Variants in CDC14A observed in about 807,000 individuals in gnomAD.
The protein encoded by CDC14A is cell division cycle 14A.
CDC14A carries 53 observed loss-of-function variants against 74.4 expected under a neutral mutation model. That is an observed-to-expected ratio of 0.71 (90% confidence interval 0.57 to 0.89). CDC14A has a LOEUF of 0.89. Among genes scored for constraint, CDC14A ranks in the 40% least tolerant of loss-of-function variants. CDC14A has a pLI of 0.00. For missense variants in CDC14A, 646 were observed against 713.7 expected (o/e 0.91, Z 1.08); for synonymous variants, 247 against 258.4 (o/e 0.96, Z 0.43).
intron 2 of CDC14A, among the ~76,000 whole-genome samples, chr1:100,363,618 T>C (rs1431573424): frequency 6.6e-6 from 1 of 152,026 alleles, no homozygotes; most frequent in African/African-American, 2.4e-5. Flanking sequence ...ACTTCTCTTT[T>C]TTTTTTTTTA....
intron 2 of CDC14A, among the ~76,000 whole-genome samples, chr1:100,375,595 C>G (rs971369476): frequency 1.3e-5 from 2 of 152,152 alleles, no homozygotes; most frequent in Admixed American, 1.3e-4. Context: ...AAACCACAAT[C>G]AGATACCATT....
intron 4 of CDC14A, among the ~76,000 whole-genome samples, chr1:100,411,418 G>GT (rs1320905311): frequency 1.3e-5 from 2 of 151,778 alleles, no homozygotes; most frequent in East Asian, 1.9e-4. Context: ...GCTTTAAAAA[G>GT]TTTTTTTTCT....
chr1:100,431,564 C>T (rs1023035320), intron 5 of CDC14A, among the ~76,000 whole-genome samples: 9 of 151,520 alleles, frequency 5.9e-5, no homozygotes, highest in African/African-American at 9.7e-5. Flanking sequence ...AATTGTTGGC[C>T]GTGTGGGTGG....
At chr1:100,381,743 A>G (rs1656135133) in intron 3 of CDC14A, among the ~76,000 whole-genome samples, 1 of 152,178 alleles carries the variant, frequency 6.6e-6, no homozygotes, top group Non-Finnish European at 1.5e-5. Context: ...ATATGCTTAG[A>G]TTAAAAATCC....
intron 5 of CDC14A, among the ~76,000 whole-genome samples, chr1:100,433,289 C>T (rs552889606): frequency 6.6e-6 from 1 of 152,170 alleles, no homozygotes; most frequent in Non-Finnish European, 1.5e-5. Context: ...CATTTAGCAA[C>T]ATCTATAACA....
chr1:100,464,254 TCCCTCCCCA>T (rs770802878), intron 9 of CDC14A, among the ~76,000 whole-genome samples: 3 of 151,990 alleles, frequency 2.0e-5, no homozygotes, highest in Non-Finnish European at 2.9e-5. Flanking sequence ...GGCAGAGCTC[TCCCTCCCCA>T]CCCTCCCCAT....
intron 4 of CDC14A, among the ~76,000 whole-genome samples, chr1:100,399,436 A>G (rs952608851): frequency 2.0e-5 from 3 of 152,168 alleles, no homozygotes; most frequent in African/African-American, 7.2e-5. Context: ...GCATATTGCT[A>G]TACTTAAGCA....
At chr1:100,401,316 T>C (rs954214396) in intron 4 of CDC14A, among the ~76,000 whole-genome samples, 1 of 152,196 alleles carries the variant, frequency 6.6e-6, no homozygotes, top group Non-Finnish European at 1.5e-5. Context: ...TCCTAAGCGT[T>C]CAATAAGTGT....
At chr1:100,429,206 A>T (rs201182004) in intron 5 of CDC14A, among the ~76,000 whole-genome samples, 21 of 113,418 alleles carry the variant, frequency 1.9e-4, no homozygotes, top group African/African-American at 8.8e-4. Flanking sequence ...TCCATCTCAA[A>T]AAATAAATAA....
chr1:100,349,873 T>G (rs1650773665), upstream of CDC14A, among the ~76,000 whole-genome samples: 1 of 151,876 alleles, frequency 6.6e-6, no homozygotes, highest in Non-Finnish European at 1.5e-5. Context: ...CAGGCTGGAG[T>G]GCCGTGGCAC....
intron 10 of CDC14A, among the ~76,000 whole-genome samples, chr1:100,475,447 T>G (rs987658364): frequency 6.6e-6 from 1 of 152,188 alleles, no homozygotes; most frequent in African/African-American, 2.4e-5. Context: ...TGTGAGAAAA[T>G]GTTAACCTGG....
At chr1:100,430,448 T>C (rs1255667436) in intron 5 of CDC14A, among the ~76,000 whole-genome samples, 4 of 152,214 alleles carry the variant, frequency 2.6e-5, no homozygotes, top group South Asian at 4.1e-4. Flanking sequence ...TCCCAGTTGC[T>C]GAGCTCTGTG....
At chr1:100,499,442 A>C in intron 15 of CDC14A, 180 bp downstream of exon 15, 1 of 1,489,498 alleles carries the variant, frequency 6.7e-7, no homozygotes, top group Non-Finnish European at 8.9e-7. Context: ...CTCCTCTTCA[A>C]GTAAACGCCA....
At chr1:100,411,034 T>C (rs61811384) in intron 4 of CDC14A, among the ~76,000 whole-genome samples, 2,108 of 152,256 alleles carry the variant, frequency 0.014, 15 homozygotes, top group Non-Finnish European at 0.023. Flanking sequence ...TTTGTTCAGT[T>C]ATAGGAACCG....
At chr1:100,420,061 C>CATATATATATATATATATATATAT (rs1377818349) in intron 4 of CDC14A, among the ~76,000 whole-genome samples, 1 of 61,738 alleles carries the variant, frequency 1.6e-5, no homozygotes, top group Non-Finnish European at 4.1e-5. Flanking sequence ...CACACACACA[C>CATATATATATATATATATATATAT]ACATATATAT....
chr1:100,398,526 A>T (rs1399631268), intron 4 of CDC14A, among the ~76,000 whole-genome samples: 1 of 152,162 alleles, frequency 6.6e-6, no homozygotes, highest in East Asian at 1.9e-4. Flanking sequence ...AAACCAAATG[A>T]ATTTGTGAGA....
chr1:100,451,202 G>C (rs903483024), intron 7 of CDC14A, among the ~76,000 whole-genome samples: 7 of 152,182 alleles, frequency 4.6e-5, no homozygotes, highest in African/African-American at 1.7e-4. Flanking sequence ...TTTGCGTCTT[G>C]AACATTGGAG....
intron 7 of CDC14A, among the ~76,000 whole-genome samples, chr1:100,448,521 C>T (rs1029548183): frequency 1.1e-4 from 16 of 152,200 alleles, no homozygotes; most frequent in Non-Finnish European, 1.8e-4. Context: ...TTTGTTTTTT[C>T]ATCATGGCAT....
At chr1:100,496,293 G>A (rs1647804079) in intron 13 of CDC14A, among the ~76,000 whole-genome samples, 1 of 150,812 alleles carries the variant, frequency 6.6e-6, no homozygotes, top group Admixed American at 6.6e-5. Context: ...TGTATTTTGT[G>A]CTCTTAGCAC....
Sources: allele counts gnomAD v4.1 joint callset (sites outside exome capture counted in the v4.1 genomes callset), GRCh38; gene constraint gnomAD v4.1.1; transcripts MANE v1.5; gene names NCBI Gene and HGNC (gene_info 2026-07-23, HGNC 2026-07-21).